The following WDFY3 variants were observed in gnomAD, a reference collection of about 807,000 sequenced individuals.
The protein encoded by WDFY3 is WD repeat and FYVE domain containing 3, also known as WD repeat and FYVE domain-containing protein 3.
WDFY3 carries 66 observed loss-of-function variants against 409.6 expected under a neutral mutation model. That is an observed-to-expected ratio of 0.16 (90% confidence interval 0.13 to 0.20). WDFY3 has a LOEUF of 0.20. WDFY3 is among the 10% of genes least tolerant of loss of function. The pLI is 1.00. For synonymous variants in WDFY3, 1,521 were observed against 1,537.1 expected (o/e 0.99, Z 0.25); for missense variants, 3,031 against 4,298.1 (o/e 0.71, Z 8.24).
intron 3 of WDFY3, among the ~76,000 whole-genome samples, chr4:84,866,749 C>T (rs2150267821): frequency 1.3e-5 from 2 of 152,302 alleles, no homozygotes; most frequent in East Asian, 3.9e-4. Flanking sequence ...TTTAATAAAT[C>T]CCTGTTTTTG....
chr4:84,782,483 T>C (rs984821945), intron 25 of WDFY3, among the ~76,000 whole-genome samples: 2 of 152,116 alleles, frequency 1.3e-5, no homozygotes, highest in Admixed American at 1.3e-4. Context: ...ACCTGTCACC[T>C]AGGTATTAAG....
intron 1 of WDFY3, among the ~76,000 whole-genome samples, chr4:84,937,779 C>G (rs951073973): frequency 9.9e-5 from 15 of 152,222 alleles, no homozygotes; most frequent in African/African-American, 3.6e-4. Flanking sequence ...TACCAACTTC[C>G]TTGCCATTCT....
chr4:84,818,210 T>C (rs1753587187), intron 12 of WDFY3, among the ~76,000 whole-genome samples: 1 of 152,142 alleles, frequency 6.6e-6, no homozygotes, highest in Admixed American at 6.6e-5. Context: ...CAGAAAAGGA[T>C]GTATGCCTAC....
intron 25 of WDFY3, among the ~76,000 whole-genome samples, chr4:84,781,788 T>C (rs1386559249): frequency 6.6e-6 from 1 of 152,188 alleles, no homozygotes; most frequent in Non-Finnish European, 1.5e-5. Flanking sequence ...ACCACAGTGC[T>C]TGTAAGTATT....
At chr4:84,737,425 AAGTT>A in intron 40 of WDFY3, 59 bp from the exon 41 acceptor site, 1 of 1,471,834 alleles carries the variant, frequency 6.8e-7, no homozygotes, top group East Asian at 2.4e-5. Flanking sequence ...ACACAGTATA[AAGTT>A]AGTTTTTATT....
chr4:84,789,662 CA>C, intron 22 of WDFY3, 63 bp downstream of exon 22: 2 of 1,524,928 alleles, frequency 1.3e-6, no homozygotes, highest in Non-Finnish European at 1.8e-6. Context: ...CACACACACA[CA>C]CACACACCCC....
chr4:84,922,168 T>C (rs1459754713), intron 2 of WDFY3, among the ~76,000 whole-genome samples: 1 of 152,136 alleles, frequency 6.6e-6, no homozygotes, highest in Non-Finnish European at 1.5e-5. Context: ...AACTTTTATG[T>C]TGAATGTCAA....
intron 3 of WDFY3, among the ~76,000 whole-genome samples, chr4:84,888,399 T>C (rs989272924): frequency 1.4e-4 from 22 of 152,310 alleles, no homozygotes; most frequent in African/African-American, 5.3e-4. Flanking sequence ...TATTATGTCA[T>C]TTAATGAGTT....
chr4:84,758,976 T>C (rs1741973336), intron 32 of WDFY3, among the ~76,000 whole-genome samples: 1 of 152,206 alleles, frequency 6.6e-6, no homozygotes, highest in Admixed American at 6.5e-5. Flanking sequence ...GAATTGATTT[T>C]TGTATAAGGT....
intron 1 of WDFY3, among the ~76,000 whole-genome samples, chr4:84,941,632 C>A (rs1294126929): frequency 2.0e-5 from 3 of 151,964 alleles, no homozygotes; most frequent in Non-Finnish European, 4.4e-5. Context: ...TCAATGCAAT[C>A]CCAATCAAAA....
chr4:84,714,746 C>T (rs1733553341), intron 50 of WDFY3, among the ~76,000 whole-genome samples: 1 of 151,940 alleles, frequency 6.6e-6, no homozygotes, highest in Admixed American at 6.6e-5. Context: ...GTCAAGAGAT[C>T]GAGACCATCC....
At chr4:84,918,061 T>G (rs1055776074) in intron 2 of WDFY3, among the ~76,000 whole-genome samples, 1 of 152,100 alleles carries the variant, frequency 6.6e-6, no homozygotes, top group African/African-American at 2.4e-5. Context: ...TAGACTCACT[T>G]GGTAAGGCTG....
At chr4:84,748,225 T>C (rs898680657) in intron 36 of WDFY3, among the ~76,000 whole-genome samples, 4 of 152,188 alleles carry the variant, frequency 2.6e-5, no homozygotes, top group Non-Finnish European at 4.4e-5. Flanking sequence ...ACAGGCCACG[T>C]AGTCAATTTT....
At chr4:84,716,024 T>C (rs1055311861) in intron 49 of WDFY3, among the ~76,000 whole-genome samples, 1 of 152,014 alleles carries the variant, frequency 6.6e-6, no homozygotes, top group Non-Finnish European at 1.5e-5. Context: ...CAGGGAAAGA[T>C]GGATAACAAA....
At chr4:84,750,375 T>G (rs1299430567) in intron 36 of WDFY3, among the ~76,000 whole-genome samples, 2 of 152,134 alleles carry the variant, frequency 1.3e-5, no homozygotes, top group African/African-American at 4.8e-5. Context: ...TAAAAAAAAT[T>G]GACCAAATTG....
intron 1 of WDFY3, among the ~76,000 whole-genome samples, chr4:84,951,808 T>TAA (rs1554029435): frequency 1.3e-5 from 2 of 152,206 alleles, no homozygotes; most frequent in Non-Finnish European, 2.9e-5. Context: ...AAGCCACTAT[T>TAA]AAACCCTGTG....
At chr4:84,742,884 G>C (rs1206767217) in intron 37 of WDFY3, among the ~76,000 whole-genome samples, 2 of 152,156 alleles carry the variant, frequency 1.3e-5, no homozygotes, top group Admixed American at 6.6e-5. Flanking sequence ...AGGTGCCACA[G>C]AATTTGATTT....
chr4:84,893,013 G>A (rs1765147463), intron 3 of WDFY3, among the ~76,000 whole-genome samples: 1 of 152,206 alleles, frequency 6.6e-6, no homozygotes, highest in Admixed American at 6.5e-5. Context: ...ATGGCTTGAA[G>A]TGAGATTGTG....
chr4:84,817,341 T>G (rs1376352703), intron 13 of WDFY3, 51 bp downstream of exon 13: 5 of 1,599,734 alleles, frequency 3.1e-6, no homozygotes, highest in Non-Finnish European at 3.4e-6. Flanking sequence ...CATCTAAAAA[T>G]AACCACAGAT....
Sources: gnomAD v4.1 joint callset for allele counts (sites outside exome capture counted in the v4.1 genomes callset) on GRCh38, gnomAD v4.1.1 for gene constraint, MANE v1.5 for transcripts, NCBI Gene and HGNC (gene_info 2026-07-23, HGNC 2026-07-21) for gene names.